Variants in ZBTB38 observed in about 807,000 individuals in gnomAD.
The protein encoded by ZBTB38 is zinc finger and BTB domain-containing protein 38.
A neutral mutation model predicts 76.8 loss-of-function variants in ZBTB38; 20 were observed. That is an observed-to-expected ratio of 0.26 (90% CI 0.18 to 0.38). The LOEUF (loss-of-function observed/expected upper bound fraction) is 0.38, where lower values mean the gene tolerates loss of function less well. Among genes scored for constraint, ZBTB38 ranks in the 10% least tolerant of loss-of-function variants. The probability of loss-of-function intolerance (pLI) is 1.00; values close to 1 mark genes in which losing one functional copy is unlikely to be tolerated. For synonymous variants in ZBTB38, 504 were observed against 544.2 expected (o/e 0.93, Z 1.03); for missense variants, 1,082 against 1,482.3 (o/e 0.73, Z 4.43).
chr3:141,388,641 G>A (rs1040613459), intron 4 of ZBTB38: 5 of 152,072 alleles, frequency 3.3e-5, no homozygotes, highest in South Asian at 2.1e-4. Context: ...TAACCAAATC[G>A]TATTTAAACA....
chr3:141,340,823 G>A (rs1943150793), intron 1 of ZBTB38, among the ~76,000 whole-genome samples: 1 of 151,716 alleles, frequency 6.6e-6, no homozygotes, highest in Non-Finnish European at 1.5e-5. Context: ...CATGAACCCA[G>A]GAGGTGGAGG....
At chr3:141,416,253 T>C (rs1250204953) in intron 5 of ZBTB38, among the ~76,000 whole-genome samples, 1 of 152,220 alleles carries the variant, frequency 6.6e-6, no homozygotes, top group Non-Finnish European at 1.5e-5. Context: ...AGTTTAAAAA[T>C]GAATTAAAAG....
upstream of ZBTB38, chr3:141,366,210 C>A (rs1487190771): frequency 6.6e-6 from 1 of 152,200 alleles, no homozygotes; most frequent in African/African-American, 2.4e-5. Context: ...ATTTCTGCTT[C>A]TTTTCTTTAT....
chr3:141,386,248 G>A (rs538992152), intron 3 of ZBTB38, among the ~76,000 whole-genome samples: 15 of 152,280 alleles, frequency 9.9e-5, no homozygotes, highest in African/African-American at 3.4e-4. Flanking sequence ...GTTCATGATG[G>A]TCAGCTATAC....
intron 1 of ZBTB38, among the ~76,000 whole-genome samples, chr3:141,362,317 A>C (rs1316849908): frequency 6.6e-6 from 1 of 152,188 alleles, no homozygotes; most frequent in Non-Finnish European, 1.5e-5. Context: ...TTGAATTCCC[A>C]AAATTCACCC....
intron 1 of ZBTB38, among the ~76,000 whole-genome samples, chr3:141,337,646 G>A (rs1201495915): frequency 6.6e-6 from 1 of 152,204 alleles, no homozygotes; most frequent in East Asian, 1.9e-4. Context: ...TGGTTCTAAG[G>A]AAGCAGGTTT....
chr3:141,370,356 G>A (rs951234803), intron 2 of ZBTB38, among the ~76,000 whole-genome samples: 2 of 152,222 alleles, frequency 1.3e-5, no homozygotes, highest in Admixed American at 6.5e-5. Context: ...GAAGTGGTGC[G>A]TGTTACTTCT....
At chr3:141,418,556 A>G (rs1162326646) in intron 5 of ZBTB38, among the ~76,000 whole-genome samples, 2 of 152,166 alleles carry the variant, frequency 1.3e-5, no homozygotes, top group Admixed American at 1.3e-4. Flanking sequence ...GGGCTCCAGG[A>G]GGTTGCTGAA....
In ZBTB38 at chr3:141,442,336, T is replaced by TA; in HGVS notation, c.1-50dup. 2 of 1,386,432 alleles carry TA rather than the reference T, an allele frequency of 1.4e-6. No individual in the cohort carries two copies. The highest frequency in any genetic ancestry group is 2.0e-6 in the Non-Finnish European group (2 of 1,005,936). 85.9% of individuals were successfully genotyped at this position (1,386,432 alleles called of 1,614,324 possible). On this transcript the variant is annotated intron_variant, in intron 5 of 5. Coordinates refer to ENST00000321464, the MANE Select transcript of ZBTB38 (RefSeq NM_001376113.1). The surrounding 1 kb of genome is among the most constrained non-coding windows in gnomAD (Gnocchi z 6.4). ...ACAGAAGTGGAAAATAGTCTAGAGA[T>TA]AAAGAAGCCACCTGTGGAAGATTAT...
At chr3:141,350,440 C>T (rs180800856) in intron 1 of ZBTB38, among the ~76,000 whole-genome samples, 2 of 152,172 alleles carry the variant, frequency 1.3e-5, no homozygotes, top group African/African-American at 4.8e-5. Flanking sequence ...TTTTATCCCT[C>T]AAGTTTATTC....
intron 1 of ZBTB38, among the ~76,000 whole-genome samples, chr3:141,334,432 C>T (rs1413268465): frequency 7.8e-6 from 1 of 128,580 alleles, no homozygotes; most frequent in Non-Finnish European, 1.6e-5. Flanking sequence ...TTCCTTCCTT[C>T]CTTCCTTCCT....
At chr3:141,395,906 C>T (rs1299637269) in intron 4 of ZBTB38, among the ~76,000 whole-genome samples, 1 of 152,052 alleles carries the variant, frequency 6.6e-6, no homozygotes, top group South Asian at 2.1e-4. Context: ...ATGTATATAC[C>T]TTAGTTTAAA....
rs1384420449 is a variant in ZBTB38 at position 141,446,010 on chromosome 3, GT to G, written c.*36del. On this transcript the variant is annotated 3_prime_UTR_variant, in exon 6 of 6. Transcript: ENST00000321464. The stretch of plus-strand genomic sequence containing the variant: ...AATTAGAAAAATCTTCAAAAATATA[GT>G]TGGTGGTTTTTTTAGTTATGATTTA... 1 of 1,506,856 alleles carries G rather than the reference GT, an allele frequency of 6.6e-7. No homozygotes were observed. Among genetic ancestry groups the G allele is most frequent in the South Asian group, 1.3e-5 (1 of 77,234 alleles). The allele number at this position is 1,506,856 out of a possible 1,614,324, so 93.3% of individuals were successfully genotyped here.
At chr3:141,340,899 AAAAAG>A (rs1205251617) in intron 1 of ZBTB38, among the ~76,000 whole-genome samples, 16 of 95,058 alleles carry the variant, frequency 1.7e-4, no homozygotes, top group African/African-American at 5.9e-4. Context: ...TCTGTCTCCA[AAAAAG>A]AAAAGAAAAG....
chr3:141,352,254 G>A (rs1308323845), intron 1 of ZBTB38, among the ~76,000 whole-genome samples: 1 of 152,120 alleles, frequency 6.6e-6, no homozygotes, highest in African/African-American at 2.4e-5. Flanking sequence ...AAACCCAAAT[G>A]AAGTGAGAGA....
chr3:141,347,255 G>A (rs1943390114), intron 1 of ZBTB38, among the ~76,000 whole-genome samples: 1 of 152,134 alleles, frequency 6.6e-6, no homozygotes, highest in Non-Finnish European at 1.5e-5. Context: ...ACTTTCAAAG[G>A]TGGTGGGGTG....
At chr3:141,329,930 A>C (rs1030430136) in intron 1 of ZBTB38, among the ~76,000 whole-genome samples, 2 of 152,102 alleles carry the variant, frequency 1.3e-5, no homozygotes, top group Non-Finnish European at 2.9e-5. Flanking sequence ...AGAGTTCAAG[A>C]CTAGCCTGGG....
chr3:141,420,581 C>T (rs2075131799), intron 5 of ZBTB38, among the ~76,000 whole-genome samples: 1 of 152,166 alleles, frequency 6.6e-6, no homozygotes, highest in South Asian at 2.1e-4. Context: ...TGCTCAGTTT[C>T]CTTCTTTAAA....
upstream of ZBTB38, among the ~76,000 whole-genome samples, chr3:141,367,978 C>T (rs1408221051): frequency 3.3e-5 from 5 of 152,152 alleles, no homozygotes; most frequent in South Asian, 2.1e-4. Context: ...GGGTAGGGAG[C>T]GAAGCCCAGG....
Sources: allele counts gnomAD v4.1 joint callset (sites outside exome capture counted in the v4.1 genomes callset), GRCh38; gene constraint gnomAD v4.1.1; non-coding constraint Gnocchi (gnomAD v3.1); transcripts MANE v1.5; gene names NCBI Gene and HGNC (gene_info 2026-07-23, HGNC 2026-07-21).